The following ERGIC1 variants were observed in gnomAD, a reference collection of about 807,000 sequenced individuals.
The protein encoded by ERGIC1 is endoplasmic reticulum-Golgi intermediate compartment protein 1.
Under a neutral mutation model 38.3 loss-of-function variants are expected in ERGIC1, and 19 were observed. That is an observed-to-expected ratio of 0.50 (90% CI 0.35 to 0.73). The LOEUF (loss-of-function observed/expected upper bound fraction) is 0.73. ERGIC1 is among the 30% of genes least tolerant of loss of function. The pLI, the probability that ERGIC1 is intolerant of heterozygous loss-of-function variation, is 0.01. For synonymous variants in ERGIC1, 124 were observed against 157.6 expected (o/e 0.79, Z 1.60); for missense variants, 294 against 389.2 (o/e 0.76, Z 2.06).
chr5:172,948,778 G>C (rs998823805), intron 9 of ERGIC1, among the ~76,000 whole-genome samples: 1 of 152,224 alleles, frequency 6.6e-6, no homozygotes, highest in Non-Finnish European at 1.5e-5. Flanking sequence ...GTCTGGAACA[G>C]TGGTTCATGC....
chr5:172,945,067 C>T (rs556867930), intron 9 of ERGIC1, among the ~76,000 whole-genome samples: 1 of 152,320 alleles, frequency 6.6e-6, no homozygotes, highest in East Asian at 1.9e-4. Flanking sequence ...TCTTGTGCAC[C>T]TCCCATGTGG....
In ERGIC1 at chr5:172,926,350, C is replaced by T. The variant is rs1210369808; in HGVS notation, c.481-159C>T. ...AAGCTTGTGCCTACTATGTGCCAGG[C>T]CCCTGCTGCCTCTTGCTCCCCACAA... On this transcript the variant is annotated intron_variant, in intron 6 of 9. Coordinates refer to ENST00000393784, the MANE Select transcript of ERGIC1 (RefSeq NM_001031711.3). This position sits in a 1 kb window ranked among gnomAD's most constrained non-coding sequence, Gnocchi z 5.2. Among the ~76,000 whole-genome samples the T allele has an allele frequency of 1.3e-5, 2 of 152,198 alleles. No homozygotes were observed. The highest frequency in any genetic ancestry group is 6.5e-5 in the Admixed American group (1 of 15,286).
At chr5:172,886,711 G>C (rs551210199) in intron 1 of ERGIC1, among the ~76,000 whole-genome samples, 4 of 152,338 alleles carry the variant, frequency 2.6e-5, no homozygotes, top group Admixed American at 1.3e-4. Flanking sequence ...ACCATGCTGT[G>C]AGATAGTTAC....
At chr5:172,908,339 G>A (rs1763103205) in intron 3 of ERGIC1, among the ~76,000 whole-genome samples, 1 of 60,484 alleles carries the variant, frequency 1.7e-5, no homozygotes, top group African/African-American at 6.6e-5. Flanking sequence ...GGGGGGGAGG[G>A]GGGAGGGGGG....
At position 172,868,771 on chromosome 5, in the gene ERGIC1, A is replaced by C. The variant is rs551274703; in HGVS notation, c.21-19928A>C. On this transcript the variant is annotated intron_variant, in intron 1 of 9. Transcript: ENST00000393784. ...GAACCCTGTGGTACAGGATGTTGAT[A>C]GTGAGGGAGGCTGTGCATGTGTGGG... Among the ~76,000 whole-genome samples, 5 of 152,268 alleles carry C rather than the reference A, an allele frequency of 3.3e-5. No individual in the cohort carries two copies. In the East Asian group the frequency reaches 7.7e-4, roughly 23 times the overall value.
intron 1 of ERGIC1, among the ~76,000 whole-genome samples, chr5:172,855,110 G>A (rs991762777): frequency 6.6e-6 from 1 of 152,170 alleles, no homozygotes. Context: ...AACGGACAGT[G>A]GTGGATGTGG....
At chr5:172,838,493 C>T (rs989000496) in intron 1 of ERGIC1, among the ~76,000 whole-genome samples, 4 of 152,166 alleles carry the variant, frequency 2.6e-5, no homozygotes, top group African/African-American at 9.7e-5. Context: ...CAGACCTCCT[C>T]AGGACTCCCT....
intron 1 of ERGIC1, among the ~76,000 whole-genome samples, chr5:172,864,302 C>G (rs929116865): frequency 9.8e-6 from 1 of 101,556 alleles, no homozygotes; most frequent in African/African-American, 4.0e-5. Context: ...GAGTCTTGCT[C>G]TGTCACCCAG....
At chr5:172,847,122 C>G (rs965401761) in intron 1 of ERGIC1, among the ~76,000 whole-genome samples, 1 of 152,162 alleles carries the variant, frequency 6.6e-6, no homozygotes, top group African/African-American at 2.4e-5. Context: ...CTCCGCTCCC[C>G]CTGGGTACTC....
chr5:172,883,145 T>C lies in ERGIC1; in HGVS notation c.21-5554T>C, dbSNP rs373342642. Among the ~76,000 whole-genome samples the C allele has an allele frequency of 2.6e-5, 4 of 152,190 alleles. No individual in the cohort carries two copies. In the East Asian group the frequency reaches 5.8e-4, roughly 22 times the overall value. On this transcript the variant is annotated intron_variant, in intron 1 of 9. Coordinates refer to ENST00000393784, the MANE Select transcript of ERGIC1 (RefSeq NM_001031711.3). ...TTTTTAAATTTCCATTTGAAATACTTTTTTAACTTTTTGTTTTGAAATAAT... is the reference window on the plus strand; with the variant it reads ...TTTTTAAATTTCCATTTGAAATACTCTTTTAACTTTTTGTTTTGAAATAAT...
chr5:172,904,284 T>C (rs1762963877), intron 3 of ERGIC1, among the ~76,000 whole-genome samples: 1 of 152,260 alleles, frequency 6.6e-6, no homozygotes, highest in Admixed American at 6.5e-5. Flanking sequence ...TAATACATTC[T>C]GTCACCAAAG....
chr5:172,932,274 G>A (rs901423820), intron 7 of ERGIC1, among the ~76,000 whole-genome samples, 162 bp from the exon 8 acceptor site: 4 of 152,286 alleles, frequency 2.6e-5, no homozygotes, highest in South Asian at 4.1e-4. Flanking sequence ...CCCAATTCCC[G>A]GTATCCAAGG....
chr5:172,895,605 C>T (rs1001374745), intron 2 of ERGIC1, among the ~76,000 whole-genome samples: 2 of 151,938 alleles, frequency 1.3e-5, no homozygotes, highest in Non-Finnish European at 2.9e-5. Flanking sequence ...CACAGATAAC[C>T]GATAAAATGT....
At chr5:172,870,718 G>C (rs1761982602) in intron 1 of ERGIC1, among the ~76,000 whole-genome samples, 1 of 152,234 alleles carries the variant, frequency 6.6e-6, no homozygotes, top group Non-Finnish European at 1.5e-5. Flanking sequence ...AGCAGGGGGA[G>C]CGGGGAGCAG....
intron 9 of ERGIC1, among the ~76,000 whole-genome samples, chr5:172,947,175 C>T (rs1470770163): frequency 3.3e-5 from 3 of 91,726 alleles, no homozygotes; most frequent in Non-Finnish European, 6.5e-5. Context: ...AAGAGTGAGA[C>T]TCAATCTCAA....
chr5:172,949,661 G>GC (rs1024377142), intron 9 of ERGIC1, among the ~76,000 whole-genome samples: 1 of 151,736 alleles, frequency 6.6e-6, no homozygotes, highest in African/African-American at 2.4e-5. Context: ...GTGGCGGGGG[G>GC]GGGTATGATT....
intron 2 of ERGIC1, among the ~76,000 whole-genome samples, chr5:172,894,392 C>T (rs1489277691): frequency 2.0e-5 from 3 of 151,706 alleles, no homozygotes; most frequent in Non-Finnish European, 4.4e-5. Context: ...GACGGGGTTT[C>T]ACCGTGTTGG....
intron 1 of ERGIC1, among the ~76,000 whole-genome samples, chr5:172,852,883 T>C (rs548160981): frequency 6.6e-6 from 1 of 152,380 alleles, no homozygotes; most frequent in East Asian, 1.9e-4. Flanking sequence ...GTGTGGACCT[T>C]GACGCAGGTT....
intron 1 of ERGIC1, among the ~76,000 whole-genome samples, chr5:172,840,137 G>A (rs149599362): frequency 9.5e-4 from 142 of 148,882 alleles, no homozygotes; most frequent in African/African-American, 3.4e-3. Context: ...CATCACCCTC[G>A]AGGGGCTCAG....
Sources: gnomAD v4.1 joint callset for allele counts (sites outside exome capture counted in the v4.1 genomes callset) on GRCh38, gnomAD v4.1.1 for gene constraint, Gnocchi (gnomAD v3.1) non-coding constraint, MANE v1.5 for transcripts, NCBI Gene and HGNC (gene_info 2026-07-23, HGNC 2026-07-21) for gene names.